Variants in GOLM2 observed in about 807,000 individuals in gnomAD.
GOLM2 encodes the protein protein GOLM2.
GOLM2 carries 26 observed loss-of-function variants against 55.9 expected under a neutral mutation model. The ratio of observed to expected loss-of-function variants is 0.47; its 90% CI spans 0.34 to 0.65. The LOEUF (loss-of-function observed/expected upper bound fraction) is 0.65. Among genes scored for constraint, GOLM2 ranks in the 30% least tolerant of loss-of-function variants. The probability of loss-of-function intolerance (pLI) is 0.01; values close to 1 mark genes in which losing one functional copy is unlikely to be tolerated. For synonymous variants in GOLM2, 165 were observed against 194.6 expected (o/e 0.85, Z 1.27); for missense variants, 486 against 531.8 (o/e 0.91, Z 0.85).
chr15:44,355,250 G>T, intron 6 of GOLM2: 1 of 158,818 alleles, frequency 6.3e-6, no homozygotes. Context: ...GAGACCTATG[G>T]ATGGCTTTTC....
intron 9 of GOLM2, among the ~76,000 whole-genome samples, chr15:44,404,216 C>T (rs2079583603): frequency 6.6e-6 from 1 of 151,988 alleles, no homozygotes; most frequent in African/African-American, 2.4e-5. Context: ...TTGATTTCTT[C>T]CTTAGCTGTT....
intron 1 of GOLM2, among the ~76,000 whole-genome samples, chr15:44,317,376 CA>C (rs1378080824): frequency 6.6e-6 from 1 of 151,346 alleles, no homozygotes; most frequent in African/African-American, 2.4e-5. Flanking sequence ...GACCCTGTCT[CA>C]AAAAAAGTGT....
At chr15:44,378,354 C>CTTT (rs372043503) in intron 6 of GOLM2, among the ~76,000 whole-genome samples, 1 of 125,508 alleles carries the variant, frequency 8.0e-6, no homozygotes, top group African/African-American at 2.9e-5. Context: ...CGCGCCAGGA[C>CTTT]TTTTTTTTTT....
intron 1 of GOLM2, among the ~76,000 whole-genome samples, chr15:44,322,497 A>G (rs1467661191): frequency 6.6e-6 from 1 of 152,226 alleles, no homozygotes; most frequent in Non-Finnish European, 1.5e-5. Context: ...TTTTACAATT[A>G]GAACAAACTT....
At chr15:44,302,779 C>T (rs1044401730) in intron 1 of GOLM2, among the ~76,000 whole-genome samples, 2 of 152,104 alleles carry the variant, frequency 1.3e-5, no homozygotes, top group African/African-American at 4.8e-5. Context: ...GCATGAGCCA[C>T]CATATCCAGC....
intron 1 of GOLM2, among the ~76,000 whole-genome samples, chr15:44,294,752 A>G (rs924629792): frequency 1.3e-5 from 2 of 151,260 alleles, no homozygotes; most frequent in African/African-American, 4.9e-5. Flanking sequence ...AAAAAAAACA[A>G]AAATTAACCG....
intron 6 of GOLM2, among the ~76,000 whole-genome samples, chr15:44,358,450 G>A (rs960715226): frequency 1.3e-5 from 2 of 152,060 alleles, no homozygotes; most frequent in Non-Finnish European, 2.9e-5. Context: ...GATGCTACTC[G>A]ACCTCGAGAC....
intron 6 of GOLM2, among the ~76,000 whole-genome samples, chr15:44,361,418 C>G (rs2079237922): frequency 6.6e-6 from 1 of 151,734 alleles, no homozygotes; most frequent in African/African-American, 2.4e-5. Context: ...CTACAAACAC[C>G]TCTATGCAAA....
chr15:44,296,375 A>T lies in GOLM2; in HGVS notation c.327+7019A>T, dbSNP rs181779540. On this transcript the variant is annotated intron_variant, in intron 1 of 9. Transcript: ENST00000299957. ...CACACATACACACACATACACACACATCAGTTTTGAGGTTTGAAGCTGAAT... is the reference window on the plus strand; with the variant it reads ...CACACATACACACACATACACACACTTCAGTTTTGAGGTTTGAAGCTGAAT... Among the ~76,000 whole-genome samples the T allele has an allele frequency of 4.9e-3, 751 of 152,328 alleles. 5 individuals are homozygous for T. The highest frequency in any genetic ancestry group is 0.017 in the African/African-American group (712 of 41,568).
intron 9 of GOLM2, among the ~76,000 whole-genome samples, chr15:44,409,268 A>C (rs916846308): frequency 4.7e-5 from 7 of 148,292 alleles, no homozygotes; most frequent in African/African-American, 1.8e-4. Flanking sequence ...TGAGCGACAG[A>C]GCAAGACTCC....
At chr15:44,307,806 C>T (rs1418128490) in intron 1 of GOLM2, 3 of 151,838 alleles carry the variant, frequency 2.0e-5, no homozygotes, top group Admixed American at 6.6e-5. Flanking sequence ...AAGTCAAGAG[C>T]GAAATAATTC....
At chr15:44,406,810 C>A (rs900412892) in intron 9 of GOLM2, 3 of 152,072 alleles carry the variant, frequency 2.0e-5, no homozygotes, top group African/African-American at 7.2e-5. Flanking sequence ...GAGATTCCAG[C>A]TGCAGGATAA....
At chr15:44,297,233 G>A (rs572006383) in intron 1 of GOLM2, among the ~76,000 whole-genome samples, 3 of 152,202 alleles carry the variant, frequency 2.0e-5, no homozygotes, top group Non-Finnish European at 2.9e-5. Context: ...CCTTTCCTTG[G>A]TCTCCATTTC....
At chr15:44,377,743 A>T (rs901508247) in intron 6 of GOLM2, among the ~76,000 whole-genome samples, 55 of 152,284 alleles carry the variant, frequency 3.6e-4, no homozygotes, top group African/African-American at 1.3e-3. Context: ...ATTCAGCACT[A>T]TCATTTGGTA....
chr15:44,357,495 C>A (rs929270288), intron 6 of GOLM2, among the ~76,000 whole-genome samples: 2 of 152,126 alleles, frequency 1.3e-5, no homozygotes, highest in Admixed American at 1.3e-4. Flanking sequence ...ATGAACAAGG[C>A]AAGGATGTGC....
chr15:44,388,836 G>A (rs1294615345), intron 8 of GOLM2, among the ~76,000 whole-genome samples: 1 of 150,382 alleles, frequency 6.6e-6, no homozygotes, highest in East Asian at 1.9e-4. Flanking sequence ...TTTTTTTTTA[G>A]ACGGAGTCTC....
intron 1 of GOLM2, among the ~76,000 whole-genome samples, chr15:44,299,228 A>G (rs768022602): frequency 3.0e-4 from 45 of 152,130 alleles, no homozygotes; most frequent in Non-Finnish European, 5.4e-4. Flanking sequence ...TTGTTATATC[A>G]GCCTAGGAAA....
chr15:44,353,896 T>G (rs1567033302), intron 6 of GOLM2, among the ~76,000 whole-genome samples: 1 of 152,058 alleles, frequency 6.6e-6, no homozygotes, highest in African/African-American at 2.4e-5. Flanking sequence ...TAAATAATAG[T>G]TTAATTCTAT....
chr15:44,311,909 C>A (rs1489613907), intron 1 of GOLM2, among the ~76,000 whole-genome samples: 1 of 152,154 alleles, frequency 6.6e-6, no homozygotes, highest in Non-Finnish European at 1.5e-5. Context: ...CTCGGTCTCC[C>A]AAAGTGCTGG....
Sources: allele counts gnomAD v4.1 joint callset (sites outside exome capture counted in the v4.1 genomes callset), GRCh38; gene constraint gnomAD v4.1.1; transcripts MANE v1.5; gene names NCBI Gene and HGNC (gene_info 2026-07-23, HGNC 2026-07-21).